ABR: variants seen among roughly 807,000 people sequenced by gnomAD.
ABR encodes ABR activator of RhoGEF and GTPase, also known as active breakpoint cluster region-related protein.
In ABR, 35 loss-of-function variants were observed where a neutral mutation model predicts 107.2. The ratio of observed to expected loss-of-function variants is 0.33; its 90% CI spans 0.25 to 0.43. The LOEUF (loss-of-function observed/expected upper bound fraction) is 0.43, where lower values mean the gene tolerates loss of function less well. ABR is among the 20% of genes least tolerant of loss of function. The pLI, the probability that ABR is intolerant of heterozygous loss-of-function variation, is 1.00. For missense variants in ABR, 815 were observed against 1,115.2 expected (o/e 0.73, Z 3.83); for synonymous variants, 498 against 462.0 (o/e 1.08, Z -1.00).
intron 1 of ABR, among the ~76,000 whole-genome samples, chr17:1,168,654 T>C (rs1437814373): frequency 6.6e-6 from 1 of 152,120 alleles, no homozygotes; most frequent in East Asian, 1.9e-4. Context: ...CACAGGCAGT[T>C]GGAAAGGGAA....
In ABR at chr17:1,011,058, A is replaced by G; in HGVS notation, c.2102-195T>C. The G allele has an allele frequency of 1.5e-6, 1 of 647,842 alleles. No homozygotes were observed. The highest frequency in any genetic ancestry group is 2.6e-6 in the Non-Finnish European group (1 of 382,614). The allele number at this position is 647,842 out of a possible 1,614,324, so 40.1% of individuals were successfully genotyped here. ...CGGGGTTGGGGGAACAGGGAGAGAT[A>G]GCCTGGGGGCCATCTGCTGTGGCTG... On this transcript the variant is annotated intron_variant, in intron 19 of 22. Transcript: ENST00000302538. The surrounding 1 kb of genome is among the most constrained non-coding windows in gnomAD (Gnocchi z 4.8).
At chr17:1,028,270 T>TTTG (rs1208984727) in intron 16 of ABR, among the ~76,000 whole-genome samples, 3 of 151,650 alleles carry the variant, frequency 2.0e-5, no homozygotes, top group Middle Eastern at 3.4e-3. Context: ...TTTTTTTTTT[T>TTTG]GTATTTTTAG....
At chr17:1,023,182 G>A (rs565875203) in intron 16 of ABR, among the ~76,000 whole-genome samples, 3 of 151,926 alleles carry the variant, frequency 2.0e-5, no homozygotes, top group East Asian at 1.9e-4. Flanking sequence ...CCACTCCAGC[G>A]CCTCTGCCGG....
chr17:1,075,487 G>C (rs1480722217), intron 6 of ABR, among the ~76,000 whole-genome samples: 1 of 152,252 alleles, frequency 6.6e-6, no homozygotes, highest in Non-Finnish European at 1.5e-5. Context: ...CAATCTGCTG[G>C]CTGTGAAGAA....
At chr17:1,110,566 C>G (rs1013476575) in intron 2 of ABR, among the ~76,000 whole-genome samples, 1 of 152,184 alleles carries the variant, frequency 6.6e-6, no homozygotes, top group Admixed American at 6.5e-5. Context: ...CAACATGGTG[C>G]CGTCTAAATG....
At chr17:1,091,643 C>T in intron 4 of ABR, 22 bp downstream of exon 4, 1 of 1,606,606 alleles carries the variant, frequency 6.2e-7, no homozygotes, top group Non-Finnish European at 8.5e-7. Context: ...GCGTGAGGAC[C>T]CTCCATCCCT....
intron 1 of ABR, among the ~76,000 whole-genome samples, chr17:1,141,365 G>A (rs954229383): frequency 1.3e-5 from 2 of 152,138 alleles, no homozygotes; most frequent in African/African-American, 2.4e-5. Flanking sequence ...TCACACTCGG[G>A]TTCCATTCCT....
At chr17:1,093,809 G>C (rs2037201544) in intron 3 of ABR, among the ~76,000 whole-genome samples, 2 of 152,234 alleles carry the variant, frequency 1.3e-5, no homozygotes, top group South Asian at 4.1e-4. Context: ...CACTCTGATG[G>C]AGACAGAACC....
chr17:1,033,764 G>A (rs1454761613), intron 16 of ABR, among the ~76,000 whole-genome samples: 3 of 152,252 alleles, frequency 2.0e-5, no homozygotes, highest in African/African-American at 4.8e-5. Flanking sequence ...CACCGCCTGA[G>A]GGGGAGGTGG....
At chr17:1,025,253 G>A (rs930660544) in intron 16 of ABR, among the ~76,000 whole-genome samples, 8 of 151,960 alleles carry the variant, frequency 5.3e-5, no homozygotes, top group African/African-American at 1.2e-4. Flanking sequence ...CCGAGATCGC[G>A]CCATTGCACT....
At chr17:1,025,245 G>A (rs1389554990) in intron 16 of ABR, among the ~76,000 whole-genome samples, 13 of 151,556 alleles carry the variant, frequency 8.6e-5, no homozygotes, top group African/African-American at 1.7e-4. Context: ...GCAGCGAGCC[G>A]AGATCGCGCC....
chr17:1,027,581 T>C lies in ABR; in HGVS notation c.1792-14417A>G, dbSNP rs1001866948. 2.6e-5 allele frequency among the ~76,000 whole-genome samples: 4 copies of C among 151,760 alleles called. No homozygotes were observed. Among genetic ancestry groups the C allele is most frequent in the Admixed American group, 1.3e-4 (2 of 15,240 alleles). On this transcript the variant is annotated intron_variant, in intron 16 of 22. Coordinates refer to ENST00000302538, the MANE Select transcript of ABR (RefSeq NM_021962.5). This position sits in a 1 kb window ranked among gnomAD's most constrained non-coding sequence, Gnocchi z 4.7. ...CCACTCGGCAGGTGGGTAAGTGCTGTGGAAAAGAGGGAGGGTCGCCCGACC... is the reference window on the plus strand; with the variant it reads ...CCACTCGGCAGGTGGGTAAGTGCTGCGGAAAAGAGGGAGGGTCGCCCGACC...
rs11334940 is a variant in ABR, at chr17:1,024,024, C to CAAAAAAAAAA, written c.1792-10870_1792-10861dup. The stretch of plus-strand genomic sequence containing the variant: ...TGGGCGACAGAGCGAGACTCCATCT[C>CAAAAAAAAAA]AAAAAAAAAAAAAAAAAAAAAAAAA... On this transcript the variant is annotated intron_variant, in intron 16 of 22. Coordinates refer to ENST00000302538, the MANE Select transcript of ABR (RefSeq NM_021962.5). Among the ~76,000 whole-genome samples, 15 of 47,676 alleles carry CAAAAAAAAAA rather than the reference C, an allele frequency of 3.1e-4. 1 individual carries two copies. The highest frequency in any genetic ancestry group is 8.2e-4 in the Admixed American group (3 of 3,674). The allele number at this position is 47,676 out of a possible 152,430, so 31.3% of individuals were successfully genotyped here.
At chr17:1,054,847 T>A (rs1218657655) in intron 14 of ABR, among the ~76,000 whole-genome samples, 1 of 151,278 alleles carries the variant, frequency 6.6e-6, no homozygotes, top group Non-Finnish European at 1.5e-5. Context: ...GCCCGGGGAG[T>A]CACCTCTGTG....
At chr17:1,100,486 C>A in intron 3 of ABR, 151 bp downstream of exon 3, 1 of 706,938 alleles carries the variant, frequency 1.4e-6, no homozygotes, top group Non-Finnish European at 2.3e-6. Flanking sequence ...GCCCGATGCC[C>A]AGCCAGAAGC....
At chr17:1,079,553 C>A (rs555493602) in intron 5 of ABR, among the ~76,000 whole-genome samples, 163 bp from the exon 6 acceptor site, 1 of 152,072 alleles carries the variant, frequency 6.6e-6, no homozygotes, top group Non-Finnish European at 1.5e-5. Context: ...CTTTGAGAGG[C>A]CGTGGTGGGC....
chr17:1,223,571 C>T (rs2150765317), intron 1 of ABR, among the ~76,000 whole-genome samples: 1 of 152,208 alleles, frequency 6.6e-6, no homozygotes, highest in South Asian at 2.1e-4. Context: ...TCGTGATTCT[C>T]ATGGAAAATG....
At position 1,010,572 on chromosome 17, in the gene ABR, A is replaced by G. The variant is rs528745763; in HGVS notation, c.2236+157T>C. On this transcript the variant is annotated intron_variant, in intron 20 of 22. Coordinates refer to ENST00000302538, the MANE Select transcript of ABR (RefSeq NM_021962.5). This position sits in a 1 kb window ranked among gnomAD's most constrained non-coding sequence, Gnocchi z 4.1. ...TCTGCACCAGGTCCCAGCAGGCCAC[A>G]CCTCACCCTCGGACCCCTCAGCCAC... is the stretch of plus-strand genomic sequence containing the variant. 1 of 979,978 alleles carries G rather than the reference A, an allele frequency of 1.0e-6. No homozygotes were observed. The highest frequency in any genetic ancestry group is 3.2e-4 in the Middle Eastern group (1 of 3,092). The allele number at this position is 979,978 out of a possible 1,614,324, so 60.7% of individuals were successfully genotyped here.
chr17:1,054,545 G>C (rs75446977), intron 14 of ABR, among the ~76,000 whole-genome samples: 182 of 7,064 alleles, frequency 0.026, 3 homozygotes, highest in African/African-American at 0.091. Context: ...CAAAGAACCT[G>C]AGGGGACGGG....
Sources: allele counts gnomAD v4.1 joint callset (sites outside exome capture counted in the v4.1 genomes callset), GRCh38; gene constraint gnomAD v4.1.1; non-coding constraint Gnocchi (gnomAD v3.1); transcripts MANE v1.5; gene names NCBI Gene and HGNC (gene_info 2026-07-23, HGNC 2026-07-21).